The following AKR1B15 variants were observed in gnomAD, a reference collection of about 807,000 sequenced individuals.
AKR1B15 encodes the protein estradiol 17-beta-dehydrogenase AKR1B15.
Under a neutral mutation model 38.5 loss-of-function variants are expected in AKR1B15, and 49 were observed. The observed-to-expected ratio is 1.27, with a 90% CI of 1.01 to 1.62. The LOEUF (loss-of-function observed/expected upper bound fraction) is 1.62, where lower values mean the gene tolerates loss of function less well. AKR1B15 is among the 40% of genes most tolerant of loss of function. AKR1B15 has a pLI of 0.00. For synonymous variants in AKR1B15, 137 were observed against 135.5 expected (o/e 1.01, Z -0.08); for missense variants, 411 against 381.6 (o/e 1.08, Z -0.64).
chr7:134,573,552 T>C (rs1794706253), intron 6 of AKR1B15: 10 of 985,198 alleles, frequency 1.0e-5, no homozygotes, highest in Non-Finnish European at 1.2e-5. Flanking sequence ...GCATTGGATG[T>C]TTATGTAGAC....
intron 1 of AKR1B15, among the ~76,000 whole-genome samples, chr7:134,551,338 G>A (rs746722613): frequency 7.9e-5 from 12 of 152,022 alleles, no homozygotes; most frequent in Non-Finnish European, 1.5e-4. Flanking sequence ...TTTAGTTTAT[G>A]TCCCCTTCTC....
At chr7:134,567,859 A>T (rs1794574404) in intron 3 of AKR1B15, among the ~76,000 whole-genome samples, 1 of 152,166 alleles carries the variant, frequency 6.6e-6, no homozygotes, top group African/African-American at 2.4e-5. Flanking sequence ...CATAAAATTA[A>T]TTCACTTTCC....
intron 2 of AKR1B15, among the ~76,000 whole-genome samples, 175 bp from the exon 3 acceptor site, chr7:134,564,423 G>A (rs982334517): frequency 2.0e-5 from 3 of 151,998 alleles, no homozygotes; most frequent in Non-Finnish European, 4.4e-5. Flanking sequence ...GATGCTGCCC[G>A]GCGTTTACAG....
chr7:134,565,177 T>C, intron 3 of AKR1B15: 1 of 360,254 alleles, frequency 2.8e-6, no homozygotes. Context: ...ACGAAAAATC[T>C]TGCTGCTGCT....
chr7:134,564,593 T>A lies in AKR1B15; in HGVS notation c.-22-5T>A. On this transcript the variant is annotated splice_region_variant and splice_polypyrimidine_tract_variant and intron_variant, in intron 2 of 11. Transcript: ENST00000457545. Reference sequence around the variant, plus strand: ...TAACCTCCTTGTCAAATTTGTTTCCTCTAGGATCGAGGCCATCAAGCTACA... The same window carrying A: ...TAACCTCCTTGTCAAATTTGTTTCCACTAGGATCGAGGCCATCAAGCTACA... 1.4e-6 allele frequency: 1 copy of A among 692,842 alleles called. No individual in the cohort carries two copies. Among genetic ancestry groups the A allele is most frequent in the Admixed American group, 2.0e-5 (1 of 49,056 alleles). The allele number at this position is 692,842 out of a possible 1,614,324, so 42.9% of individuals were successfully genotyped here. A position where few individuals can be genotyped will look rare whatever the true frequency, so the allele number is the denominator to read the frequency against.
intron 8 of AKR1B15, among the ~76,000 whole-genome samples, 165 bp downstream of exon 8, chr7:134,576,092 AAAC>A (rs753893678): frequency 6.6e-5 from 10 of 151,992 alleles, no homozygotes; most frequent in African/African-American, 1.9e-4. Flanking sequence ...AATGGGAATT[AAAC>A]AACAACAACA....
chr7:134,573,433 T>C (rs1231668640), intron 6 of AKR1B15: 3 of 985,302 alleles, frequency 3.0e-6, no homozygotes, highest in Admixed American at 6.1e-5. Context: ...CTATGTTTTC[T>C]TAATGAACAT....
At chr7:134,569,801 C>A (rs971776811) in intron 5 of AKR1B15, 2 of 358,260 alleles carry the variant, frequency 5.6e-6, no homozygotes, top group East Asian at 1.2e-4. Context: ...TTACTTAAAT[C>A]TCTTAATCCC....
intron 2 of AKR1B15, among the ~76,000 whole-genome samples, chr7:134,562,605 C>G (rs1201268902): frequency 6.6e-6 from 1 of 152,114 alleles, no homozygotes; most frequent in East Asian, 1.9e-4. Flanking sequence ...ATTTTACAAT[C>G]CTAGCTACAG....
chr7:134,574,101 C>T (rs1241795004), intron 6 of AKR1B15, among the ~76,000 whole-genome samples: 1 of 152,028 alleles, frequency 6.6e-6, no homozygotes, highest in African/African-American at 2.4e-5. Context: ...TGCTATGTTG[C>T]CCAGGATGGA....
chr7:134,569,681 A>C (rs1794624895), intron 5 of AKR1B15, 152 bp downstream of exon 5: 1 of 749,530 alleles, frequency 1.3e-6, no homozygotes, highest in Non-Finnish European at 2.1e-6. Context: ...TAATGTTTTT[A>C]TAATTTCTTA....
chr7:134,559,155 T>G (rs916498365), intron 2 of AKR1B15, among the ~76,000 whole-genome samples: 1 of 152,212 alleles, frequency 6.6e-6, no homozygotes, highest in Non-Finnish European at 1.5e-5. Context: ...GTCATCAGTG[T>G]AACTCAGGCT....
At chr7:134,555,482 C>T (rs1388184800) in intron 1 of AKR1B15, among the ~76,000 whole-genome samples, 1 of 152,120 alleles carries the variant, frequency 6.6e-6, no homozygotes, top group Non-Finnish European at 1.5e-5. Flanking sequence ...AAAACTGCGC[C>T]TAAGTTGAGT....
chr7:134,566,966 A>G (rs556148103), intron 3 of AKR1B15, among the ~76,000 whole-genome samples: 1 of 152,352 alleles, frequency 6.6e-6, no homozygotes, highest in Admixed American at 6.5e-5. Flanking sequence ...TTTACTAGAC[A>G]GTTTCAGAAT....
intron 10 of AKR1B15, 84 bp downstream of exon 10, chr7:134,577,130 C>G (rs1341410156): frequency 8.5e-5 from 117 of 1,371,222 alleles, no homozygotes; most frequent in Admixed American, 3.8e-4. Context: ...TCACCTCATC[C>G]CTGCACTGTC....
intron 2 of AKR1B15, among the ~76,000 whole-genome samples, chr7:134,562,766 G>C (rs2099445707): frequency 6.6e-6 from 1 of 151,944 alleles, no homozygotes; most frequent in African/African-American, 2.4e-5. Context: ...CACCATGTTG[G>C]CCAGGCTTCT....
At chr7:134,575,734 G>C in intron 7 of AKR1B15, 87 bp from the exon 8 acceptor site, 1 of 1,592,748 alleles carries the variant, frequency 6.3e-7, no homozygotes, top group Non-Finnish European at 8.6e-7. Context: ...CCTTTGCTTG[G>C]TGGACTTTTT....
intron 10 of AKR1B15, among the ~76,000 whole-genome samples, 172 bp from the exon 11 acceptor site, chr7:134,577,532 G>C (rs1653828398): frequency 6.6e-6 from 1 of 152,244 alleles, no homozygotes; most frequent in African/African-American, 2.4e-5. Flanking sequence ...TGTGGTCTTT[G>C]TGTAGGACCT....
intron 2 of AKR1B15, among the ~76,000 whole-genome samples, chr7:134,563,286 T>C (rs1417608202): frequency 6.6e-6 from 1 of 152,124 alleles, no homozygotes; most frequent in Non-Finnish European, 1.5e-5. Flanking sequence ...TAAAGCAGGA[T>C]GTGGCCAGGC....
Sources: allele counts gnomAD v4.1 joint callset (sites outside exome capture counted in the v4.1 genomes callset), GRCh38; gene constraint gnomAD v4.1.1; transcripts MANE v1.5; gene names NCBI Gene and HGNC (gene_info 2026-07-23, HGNC 2026-07-21).